The following PML variants were observed in gnomAD, a reference collection of about 807,000 sequenced individuals.
PML encodes the protein PML nuclear body scaffold, also known as protein PML.
In PML, 28 loss-of-function variants were observed where a neutral mutation model predicts 65.2. That is an observed-to-expected ratio of 0.43 (90% confidence interval 0.32 to 0.59). PML has a LOEUF of 0.59. Among genes scored for constraint, PML ranks in the 20% least tolerant of loss-of-function variants. The pLI is 0.08. For missense variants in PML, 1,021 were observed against 1,203.4 expected (o/e 0.85, Z 2.24); for synonymous variants, 500 against 508.8 (o/e 0.98, Z 0.23).
rs1318964350 is a variant in PML, at chr15:74,023,011, C to G, written c.786C>G (p.His262Gln). Residue 262 changes from histidine (H) to glutamine (Q), a missense_variant, in exon 3 of 9, where the codon CAC becomes CAG. Coordinates refer to ENST00000268058, the MANE Select transcript of PML (RefSeq NM_033238.3). Reference sequence around the variant, plus strand: ...TTGGCGCGGTTCACGCGCAGATGCACGCGGCCGTCGGCCAGCTGGGCCGCG... The same window carrying G: ...TTGGCGCGGTTCACGCGCAGATGCAGGCGGCCGTCGGCCAGCTGGGCCGCG... Reference protein sequence around the residue: ...SAFGAVHAQMHAAVGQLGRAR... With the variant: ...SAFGAVHAQMQAAVGQLGRAR... 1 of 1,607,652 alleles carries G rather than the reference C, an allele frequency of 6.2e-7. No individual in the cohort carries two copies. Among genetic ancestry groups the G allele is most frequent in the Non-Finnish European group, 8.5e-7 (1 of 1,178,580 alleles).
At position 74,023,239 on chromosome 15, in the gene PML, C is replaced by G. The variant is rs371084483; in HGVS notation, c.1014C>G (p.Cys338Trp). 8.1e-6 allele frequency: 13 copies of G among 1,610,904 alleles called. No homozygotes were observed. Among genetic ancestry groups the G allele is most frequent in the Non-Finnish European group, 9.3e-6 (11 of 1,179,500 alleles). The change falls in exon 3 of 9, where the codon TGC becomes TGG. Residue 338 changes from cysteine (C) to tryptophan (W), a missense_variant. Coordinates refer to ENST00000268058, the MANE Select transcript of PML (RefSeq NM_033238.3). ...TGSALVQRMK[C>W]YASDQEVLDM... ...GCGCGCTGGTGCAGAGGATGAAGTG[C>G]TACGCCTCGGACCAGGAGGTGCTGG...
rs761496643 is a variant in PML at position 74,024,889 on chromosome 15, G to C, written c.1216G>C (p.Ala406Pro). Residue 406 changes from alanine to proline, a missense_variant, in exon 4 of 9, where the codon GCT becomes CCT. Physicochemically the swap from Ala to Pro is conservative, Grantham distance 27 (BLOSUM62 -1). Transcript: ENST00000268058. The stretch of plus-strand genomic sequence containing the variant: ...TGTATCCAAGAAAGCCAGCCCAGAG[G>C]CTGCCAGCACTCCCAGGGACCCTAT... Reference protein sequence around the residue: ...AAVSKKASPEAASTPRDPIDV... With the variant: ...AAVSKKASPEPASTPRDPIDV... 1 of 1,614,006 alleles carries C rather than the reference G, an allele frequency of 6.2e-7. No individual in the cohort carries two copies. Among genetic ancestry groups the C allele is most frequent in the Non-Finnish European group, 8.5e-7 (1 of 1,179,892 alleles).
intron 4 of PML, chr15:74,028,342 G>A (rs1052246): frequency 0.53 from 81,039 of 151,642 alleles, 22,172 homozygotes; most frequent in East Asian, 0.63. Context: ...CCCGGCCTTC[G>A]GGGAGTTCGT....
intron 7 of PML, among the ~76,000 whole-genome samples, chr15:74,040,834 A>G (rs759381789): frequency 2.6e-5 from 4 of 152,244 alleles, no homozygotes; most frequent in Non-Finnish European, 4.4e-5. Context: ...TAAAGGAGAC[A>G]GTAGAGGTTT....
chr15:74,029,593 C>T (rs1188107221), intron 4 of PML, among the ~76,000 whole-genome samples: 1 of 151,998 alleles, frequency 6.6e-6, no homozygotes, highest in African/African-American at 2.4e-5. Flanking sequence ...CACTATACTC[C>T]AGCCGGAGCA....
intron 2 of PML, among the ~76,000 whole-genome samples, chr15:74,010,015 T>C (rs2070246342): frequency 6.7e-6 from 1 of 149,612 alleles, no homozygotes; most frequent in African/African-American, 2.5e-5. Context: ...AATTTGGGTT[T>C]TTTAGTTTTG....
rs2069610549 is a variant in PML at position 73,998,500 on chromosome 15, G to T, written c.602+24G>T. The T allele has an allele frequency of 2.5e-6, 4 of 1,595,274 alleles. No homozygotes were observed. The African/African-American group carries it at 4.0e-5, about 16-fold the overall frequency. On this transcript the variant is annotated intron_variant, in intron 2 of 8. Transcript: ENST00000268058. ...AGGTGAGTAGGCCGGCACAGGGTGGGGTGGTGCATCCAAGTACCAGGTAGA... is the reference window on the plus strand; with the variant it reads ...AGGTGAGTAGGCCGGCACAGGGTGGTGTGGTGCATCCAAGTACCAGGTAGA...
Position 74,043,036 on chromosome 15 carries a change from G to A in PML, c.1758G>A (p.Gln586=). 3.7e-6 allele frequency: 6 copies of A among 1,613,586 alleles called. No homozygotes were observed. Among genetic ancestry groups the A allele is most frequent in the South Asian group, 1.1e-5 (1 of 91,022 alleles). The change falls in exon 8 of 9, where the codon CAG becomes CAA. Residue 586 remains glutamine, a synonymous_variant. Transcript: ENST00000268058. The surrounding 1 kb of genome is among the most constrained non-coding windows in gnomAD (Gnocchi z 4.3). The part of the protein sequence containing the change: ...DDSSSESSDL[Q]LEGPSTLRVL... Reference sequence around the variant, plus strand: ...GCAGCAGTGAGTCCAGTGACCTCCAGCTGGAAGGCCCCAGCACCCTCAGGG... The same window carrying A: ...GCAGCAGTGAGTCCAGTGACCTCCAACTGGAAGGCCCCAGCACCCTCAGGG...
In PML at chr15:74,046,337, C is replaced by T. The variant is rs1281425098; in HGVS notation, c.*1329C>T. On this transcript the variant is annotated 3_prime_UTR_variant, in exon 9 of 9. Transcript: ENST00000268058. ...AGCAGAACGACAGCCCCTTCCTCCT[C>T]CTCCCTCCTTCCCATCCCTACTCAT... 1 of 233,260 alleles carries T rather than the reference C, an allele frequency of 4.3e-6. No individual in the cohort carries two copies. Among genetic ancestry groups the T allele is most frequent in the African/African-American group, 2.2e-5 (1 of 45,344 alleles). 14.4% of individuals were successfully genotyped at this position (233,260 alleles called of 1,614,324 possible). A position where few individuals can be genotyped will look rare whatever the true frequency, so the allele number is the denominator to read the frequency against.
Position 74,035,144 on chromosome 15 carries a change from C to T in PML, c.1710+614C>T. ...GGTGGCCCCTGAGGTCTCTTCCAGC[C>T]CTCAGTCTGAGGTTCTGTATTGGAA... On this transcript the variant is annotated intron_variant, in intron 7 of 8. Transcript: ENST00000268058. The surrounding 1 kb of genome is among the most constrained non-coding windows in gnomAD (Gnocchi z 4.1). 8.6e-7 allele frequency: 1 copy of T among 1,165,004 alleles called. No homozygotes were observed. Among genetic ancestry groups the T allele is most frequent in the East Asian group, 2.3e-5 (1 of 42,876 alleles). 72.2% of individuals were successfully genotyped at this position (1,165,004 alleles called of 1,614,324 possible). A position where few individuals can be genotyped will look rare whatever the true frequency, so the allele number is the denominator to read the frequency against.
intron 2 of PML, among the ~76,000 whole-genome samples, chr15:74,010,702 C>T (rs758695560): frequency 7.2e-5 from 11 of 152,026 alleles, no homozygotes; most frequent in Non-Finnish European, 1.6e-4. Context: ...TGCCTGCCTT[C>T]GAAGCTTGAA....
Position 74,042,982 on chromosome 15 carries a change from G to A in PML, c.1711-7G>A, listed in dbSNP as rs1233108687. The A allele has an allele frequency of 1.2e-6, 2 of 1,613,444 alleles. No homozygotes were observed. The highest frequency in any genetic ancestry group is 2.7e-5 in the African/African-American group (2 of 74,782). ...AATCCCTGACGCTTGGTTTTTCTGT[G>A]TTGCAGTCCTCCCGAGAGCTGGATG... On this transcript the variant is annotated splice_region_variant and splice_polypyrimidine_tract_variant and intron_variant, in intron 7 of 8. Transcript: ENST00000268058. This position sits in a 1 kb window ranked among gnomAD's most constrained non-coding sequence, Gnocchi z 5.3.
In PML at chr15:74,045,038, G is replaced by T; in HGVS notation, c.*30G>T. 6.4e-7 allele frequency: 1 copy of T among 1,562,940 alleles called. No individual in the cohort carries two copies. Among genetic ancestry groups the T allele is most frequent in the Non-Finnish European group, 8.6e-7 (1 of 1,158,242 alleles). On this transcript the variant is annotated 3_prime_UTR_variant, in exon 9 of 9. Coordinates refer to ENST00000268058, the MANE Select transcript of PML (RefSeq NM_033238.3). ...AGGGGGTGACCAGCTTGGAGTCTCT[G>T]GTGGGCAGAGAGGGATGGGGTCCCT...
At chr15:74,011,587 G>A (rs1465492751) in intron 2 of PML, among the ~76,000 whole-genome samples, 1 of 152,208 alleles carries the variant, frequency 6.6e-6, no homozygotes, top group Non-Finnish European at 1.5e-5. Context: ...CTTGGTGCCT[G>A]GGTAAACTCT....
chr15:74,033,022 T>C, intron 5 of PML, 134 bp from the exon 6 acceptor site: 1 of 925,334 alleles, frequency 1.1e-6, no homozygotes, highest in Non-Finnish European at 1.7e-6. Context: ...AGAGACGTAA[T>C]CTGCGTGGTT....
chr15:74,013,706 T>C (rs189015867), intron 2 of PML, among the ~76,000 whole-genome samples: 21 of 152,344 alleles, frequency 1.4e-4, no homozygotes, highest in African/African-American at 5.0e-4. Flanking sequence ...CTCATCAAAT[T>C]ATCTTTTCTC....
rs1477366662 is a variant in PML, at chr15:74,047,395, T to TC, written c.*2390dup. On this transcript the variant is annotated 3_prime_UTR_variant, in exon 9 of 9. Coordinates refer to ENST00000268058, the MANE Select transcript of PML (RefSeq NM_033238.3). ...CCACCACCCTTGACCCCAACTACCA[T>TC]CCCAGATGCCCAGATTCCAGTCCTG... is the stretch of plus-strand genomic sequence containing the variant. 1 of 230,598 alleles carries TC rather than the reference T, an allele frequency of 4.3e-6. No homozygotes were observed. The highest frequency in any genetic ancestry group is 8.6e-6 in the Non-Finnish European group (1 of 116,450). 14.3% of individuals were successfully genotyped at this position (230,598 alleles called of 1,614,324 possible). A position where few individuals can be genotyped will look rare whatever the true frequency, so the allele number is the denominator to read the frequency against.
At chr15:74,040,583 T>G (rs2071673315) in intron 7 of PML, among the ~76,000 whole-genome samples, 1 of 152,172 alleles carries the variant, frequency 6.6e-6, no homozygotes, top group South Asian at 2.1e-4. Flanking sequence ...ACCTGAGTCT[T>G]TCAGAAAGTC....
intron 2 of PML, among the ~76,000 whole-genome samples, chr15:74,012,629 T>C (rs2070386799): frequency 6.6e-6 from 1 of 152,224 alleles, no homozygotes; most frequent in Non-Finnish European, 1.5e-5. Context: ...TTGTTTTTAA[T>C]GAAATGCTTC....
Sources: gnomAD v4.1 joint callset for allele counts (sites outside exome capture counted in the v4.1 genomes callset) on GRCh38, gnomAD v4.1.1 for gene constraint, Gnocchi (gnomAD v3.1) non-coding constraint, MANE v1.5 for transcripts, NCBI Gene and HGNC (gene_info 2026-07-23, HGNC 2026-07-21) for gene names.